The following ARHGEF3 variants were observed in gnomAD, a reference collection of about 807,000 sequenced individuals.
ARHGEF3 encodes Rho guanine nucleotide exchange factor 3, also known as 59.8 kDA protein.
ARHGEF3 carries 28 observed loss-of-function variants against 63.2 expected under a neutral mutation model. The observed-to-expected ratio is 0.44, with a 90% confidence interval of 0.33 to 0.61. The LOEUF is 0.61. Among genes scored for constraint, ARHGEF3 ranks in the 20% least tolerant of loss-of-function variants. The pLI is 0.03. For synonymous variants in ARHGEF3, 266 were observed against 254.2 expected (o/e 1.05, Z -0.44); for missense variants, 533 against 659.3 (o/e 0.81, Z 2.10).
At chr3:56,895,114 T>G (rs1403929164) in intron 3 of ARHGEF3, among the ~76,000 whole-genome samples, 1 of 152,088 alleles carries the variant, frequency 6.6e-6, no homozygotes, top group Non-Finnish European at 1.5e-5. Flanking sequence ...AATTTGGGGT[T>G]GTGGTGAACC....
intron 7 of ARHGEF3, 115 bp downstream of exon 7, chr3:56,745,090 C>T (rs1386390699): frequency 1.4e-5 from 19 of 1,349,542 alleles, no homozygotes; most frequent in Non-Finnish European, 1.5e-5. Flanking sequence ...GGCCTGGAAC[C>T]CAAGATTCCT....
Position 56,773,790 on chromosome 3 carries a change from G to A in ARHGEF3, c.123C>T (p.Pro41=), listed in dbSNP as rs1252612046. 10 of 1,603,018 alleles carry A rather than the reference G, an allele frequency of 6.2e-6. No individual in the cohort carries two copies. The highest frequency in any genetic ancestry group is 3.3e-4 in the Middle Eastern group (2 of 6,024). The change falls in exon 2 of 10, where the codon CCC becomes CCT. Residue 41 remains proline (P), a synonymous_variant. Coordinates refer to ENST00000296315, the MANE Select transcript of ARHGEF3 (RefSeq NM_019555.3). Reference sequence around the variant, plus strand: ...TTGCTAGCGACGTGACTCGGGAAAGGGGTTTGACCCGTTTATTACTAGGCT... The same window carrying A: ...TTGCTAGCGACGTGACTCGGGAAAGAGGTTTGACCCGTTTATTACTAGGCT... ...AEEPSNKRVK[P]LSRVTSLANL... is the part of the protein sequence containing the mutation.
chr3:56,732,180 C>T, intron 9 of ARHGEF3, 58 bp downstream of exon 9: 4 of 1,596,352 alleles, frequency 2.5e-6, no homozygotes, highest in Non-Finnish European at 3.4e-6. Context: ...CTGCCCACTC[C>T]CTCCAAACTA....
intron 4 of ARHGEF3, among the ~76,000 whole-genome samples, chr3:56,854,291 C>T (rs983453625): frequency 3.9e-5 from 6 of 152,214 alleles, no homozygotes; most frequent in Non-Finnish European, 8.8e-5. Context: ...GTAGAAAGGA[C>T]TATGTCAAGG....
intron 1 of ARHGEF3, among the ~76,000 whole-genome samples, chr3:56,797,900 A>G (rs2037450914): frequency 6.6e-6 from 1 of 152,208 alleles, no homozygotes; most frequent in South Asian, 2.1e-4. Context: ...AGGTGCTACA[A>G]GGGATGCTGA....
chr3:56,777,813 G>A (rs1218105800), intron 1 of ARHGEF3, among the ~76,000 whole-genome samples: 1 of 152,186 alleles, frequency 6.6e-6, no homozygotes, highest in African/African-American at 2.4e-5. Context: ...TGTAGCCACT[G>A]GCATAAGGAC....
chr3:56,807,273 C>G (rs190152673), intron 4 of ARHGEF3, among the ~76,000 whole-genome samples: 30 of 152,292 alleles, frequency 2.0e-4, no homozygotes, highest in Middle Eastern at 3.4e-3. Flanking sequence ...GTCAGGTGTT[C>G]AATTAGATAC....
chr3:56,871,431 A>G (rs1337412932), intron 4 of ARHGEF3, among the ~76,000 whole-genome samples: 2 of 151,816 alleles, frequency 1.3e-5, no homozygotes, highest in Non-Finnish European at 2.9e-5. Flanking sequence ...GGGCATATGA[A>G]GCATTAAAAA....
intron 8 of ARHGEF3, 76 bp from the exon 9 acceptor site, chr3:56,732,500 A>G (rs1230305629): frequency 5.3e-6 from 8 of 1,503,630 alleles, no homozygotes; most frequent in Non-Finnish European, 7.4e-6. Flanking sequence ...TCTGTGGATA[A>G]AGAGGTCCCC....
intron 2 of ARHGEF3, among the ~76,000 whole-genome samples, chr3:56,773,172 A>C (rs570028185): frequency 6.6e-6 from 1 of 152,332 alleles, no homozygotes; most frequent in African/African-American, 2.4e-5. Context: ...TGTTCCAACA[A>C]AACTTTATTT....
intron 3 of ARHGEF3, among the ~76,000 whole-genome samples, chr3:56,893,484 GC>G (rs138109100): frequency 0.16 from 24,280 of 152,040 alleles, 2,767 homozygotes; most frequent in East Asian, 0.5. Context: ...CAACCCCTTT[GC>G]TGGGCTTTAT....
intron 4 of ARHGEF3, among the ~76,000 whole-genome samples, chr3:56,863,441 A>G (rs932618322): frequency 6.6e-6 from 1 of 152,196 alleles, no homozygotes; most frequent in African/African-American, 2.4e-5. Context: ...CTGGGATTAC[A>G]GGTGTGTGCC....
At chr3:57,036,886 T>C (rs1703986644) in intron 1 of ARHGEF3, among the ~76,000 whole-genome samples, 1 of 152,174 alleles carries the variant, frequency 6.6e-6, no homozygotes, top group African/African-American at 2.4e-5. Context: ...CCATCTGCCC[T>C]ACCACAGGCC....
At chr3:56,843,173 G>GT (rs1282106089) in intron 4 of ARHGEF3, among the ~76,000 whole-genome samples, 8 of 152,280 alleles carry the variant, frequency 5.3e-5, no homozygotes, top group Non-Finnish European at 8.8e-5. Context: ...ATGCATGGAT[G>GT]TATCTTTGAA....
At chr3:56,923,067 T>C (rs1165279777) in intron 3 of ARHGEF3, among the ~76,000 whole-genome samples, 2 of 34,680 alleles carry the variant, frequency 5.8e-5, no homozygotes, top group Non-Finnish European at 1.3e-4. Context: ...TATATATATA[T>C]ATATATATAA....
chr3:56,751,274 G>A (rs759410767), intron 5 of ARHGEF3, 26 bp downstream of exon 5: 16 of 1,589,580 alleles, frequency 1.0e-5, no homozygotes, highest in Middle Eastern at 1.7e-4. Context: ...TACAAGTCAC[G>A]ACTCATCCTG....
chr3:56,992,414 A>C (rs1411157970), intron 2 of ARHGEF3, among the ~76,000 whole-genome samples: 17 of 127,534 alleles, frequency 1.3e-4, no homozygotes, highest in Admixed American at 6.9e-4. Context: ...AAAAAAAAAA[A>C]CAGAAAGAAG....
intron 2 of ARHGEF3, among the ~76,000 whole-genome samples, chr3:56,980,575 A>C (rs949520580): frequency 1.4e-4 from 21 of 152,352 alleles, no homozygotes; most frequent in Non-Finnish European, 2.9e-4. Flanking sequence ...AGCTAAGAAC[A>C]GTACCCATAA....
At chr3:56,877,730 A>G (rs1465236115) in intron 4 of ARHGEF3, among the ~76,000 whole-genome samples, 3 of 152,170 alleles carry the variant, frequency 2.0e-5, no homozygotes, top group Non-Finnish European at 4.4e-5. Context: ...AAAAATATAT[A>G]TGCTCTTTAG....
Sources: gnomAD v4.1 joint callset for allele counts (sites outside exome capture counted in the v4.1 genomes callset) on GRCh38, gnomAD v4.1.1 for gene constraint, MANE v1.5 for transcripts, NCBI Gene and HGNC (gene_info 2026-07-23, HGNC 2026-07-21) for gene names.